Variants in RBFOX1 observed in about 807,000 individuals in gnomAD.
RBFOX1 encodes the protein RNA binding protein fox-1 homolog 1.
A neutral mutation model predicts 57.7 loss-of-function variants in RBFOX1; 8 were observed. The ratio of observed to expected loss-of-function variants is 0.14; its 90% CI spans 0.08 to 0.25. The LOEUF (loss-of-function observed/expected upper bound fraction) is 0.25, where lower values mean the gene tolerates loss of function less well. Among genes scored for constraint, RBFOX1 ranks in the 10% least tolerant of loss-of-function variants. RBFOX1 has a pLI of 1.00. For missense variants in RBFOX1, 611 were observed against 548.5 expected, an observed-to-expected ratio of 1.11 and a Z score of -1.14; for synonymous variants, 326 against 222.4, an observed-to-expected ratio of 1.47 and a Z score of -4.15.
intron 2 of RBFOX1, among the ~76,000 whole-genome samples, chr16:6,624,715 G>A (rs879517754): frequency 6.6e-6 from 1 of 152,074 alleles, no homozygotes; most frequent in Non-Finnish European, 1.5e-5. Flanking sequence ...GTAAAACAAA[G>A]AAAGAAGAAG....
intron 3 of RBFOX1, among the ~76,000 whole-genome samples, chr16:5,659,444 C>G (rs574671887): frequency 6.6e-6 from 1 of 151,974 alleles, no homozygotes; most frequent in South Asian, 2.1e-4. Flanking sequence ...GCTGGGACTA[C>G]AGGTGCCCGC....
chr16:5,806,746 C>T (rs755211500), intron 3 of RBFOX1, among the ~76,000 whole-genome samples: 2 of 152,204 alleles, frequency 1.3e-5, no homozygotes, highest in Non-Finnish European at 2.9e-5. Context: ...CTGGTAATGC[C>T]CCGGGATAAG....
rs371630236 is a variant in RBFOX1, at chr16:5,876,134, C to T, written c.351+8799C>T. Reference sequence around the variant, plus strand: ...CTGGGATTACAGGTGTGAACCACCGCGCCCGGCCTATCCCACAATTTTTAC... The same window carrying T: ...CTGGGATTACAGGTGTGAACCACCGTGCCCGGCCTATCCCACAATTTTTAC... On this transcript the variant is annotated intron_variant, in intron 4 of 19. Transcript: ENST00000641259. 2.3e-4 allele frequency among the ~76,000 whole-genome samples: 35 copies of T among 152,202 alleles called. No homozygotes were observed. In the East Asian group the frequency reaches 2.9e-3, roughly 13 times the overall value.
intron 2 of RBFOX1, among the ~76,000 whole-genome samples, chr16:6,632,637 C>A (rs925506675): frequency 6.6e-6 from 1 of 152,152 alleles, no homozygotes; most frequent in Non-Finnish European, 1.5e-5. Context: ...TTTGCTTGAG[C>A]TATTCCACTC....
intron 3 of RBFOX1, among the ~76,000 whole-genome samples, chr16:6,799,220 G>C (rs1214126087): frequency 6.6e-6 from 1 of 152,128 alleles, no homozygotes; most frequent in African/African-American, 2.4e-5. Context: ...GGGAAACCGT[G>C]CACAGCAATA....
In RBFOX1 at chr16:7,054,594, T is replaced by A. The variant is rs374495290; in HGVS notation, c.27+2496T>A. On this transcript the variant is annotated intron_variant, in intron 4 of 15. Coordinates refer to ENST00000550418, the MANE Select transcript of RBFOX1 (RefSeq NM_018723.4). The stretch of plus-strand genomic sequence containing the variant: ...CTGAAAGGAATTTAGAACTGGAAGG[T>A]AAATACCTGTCCATCTCAATGAAAT... Among the ~76,000 whole-genome samples the A allele has an allele frequency of 6.7e-5, 10 of 148,650 alleles. No individual in the cohort carries two copies. The East Asian group carries it at 1.2e-3, about 18-fold the overall frequency.
intron 4 of RBFOX1, among the ~76,000 whole-genome samples, chr16:7,460,403 G>A (rs1193453120): frequency 4.3e-4 from 23 of 54,010 alleles, no homozygotes; most frequent in South Asian, 7.2e-4. Context: ...GTGTGTGTGT[G>A]TGTGTGTGTG....
intron 1 of RBFOX1, among the ~76,000 whole-genome samples, chr16:6,306,638 T>C (rs191211009): frequency 2.4e-4 from 37 of 152,320 alleles, no homozygotes; most frequent in African/African-American, 7.5e-4. Context: ...TCAGAAGAAC[T>C]CACTGGCCGT....
chr16:7,451,338 A>G (rs1016231514), intron 4 of RBFOX1, among the ~76,000 whole-genome samples: 26 of 152,346 alleles, frequency 1.7e-4, no homozygotes, highest in African/African-American at 6.3e-4. Flanking sequence ...GAATGCAAAT[A>G]GTAATTTATT....
intron 2 of RBFOX1, among the ~76,000 whole-genome samples, chr16:6,400,872 G>C (rs887144471): frequency 6.6e-6 from 1 of 152,170 alleles, no homozygotes; most frequent in African/African-American, 2.4e-5. Context: ...TCCAGTGAAA[G>C]AGCAAGACTC....
intron 3 of RBFOX1, among the ~76,000 whole-genome samples, chr16:6,925,742 C>G (rs528916184): frequency 2.0e-5 from 3 of 151,898 alleles, no homozygotes; most frequent in South Asian, 4.2e-4. Context: ...CACCCAAACA[C>G]AGACAAGCAA....
intron 4 of RBFOX1, among the ~76,000 whole-genome samples, chr16:7,210,940 AATAG>A (rs1200137203): frequency 6.6e-6 from 1 of 152,094 alleles, no homozygotes; most frequent in Non-Finnish European, 1.5e-5. Flanking sequence ...AGAATATAAA[AATAG>A]AAAGGAGGGA....
At chr16:5,619,615 G>C (rs2048144110) in intron 3 of RBFOX1, among the ~76,000 whole-genome samples, 1 of 152,316 alleles carries the variant, frequency 6.6e-6, no homozygotes, top group African/African-American at 2.4e-5. Flanking sequence ...TGGGCAGGGA[G>C]AGTTGCTTTC....
intron 3 of RBFOX1, among the ~76,000 whole-genome samples, chr16:6,676,995 C>T (rs11077064): frequency 0.64 from 97,854 of 152,020 alleles, 34,098 homozygotes; most frequent in Non-Finnish European, 0.76. Context: ...ACTTTCTATG[C>T]ACAGATCCAA....
chr16:6,629,264 C>T (rs1371107263), intron 2 of RBFOX1, among the ~76,000 whole-genome samples: 1 of 152,164 alleles, frequency 6.6e-6, no homozygotes, highest in Non-Finnish European at 1.5e-5. Flanking sequence ...ATCCCATTAG[C>T]ATTGTCTTCA....
At position 5,437,128 on chromosome 16, in the gene RBFOX1, G is replaced by A. The variant is rs1434586411; in HGVS notation, c.220-30088G>A. On this transcript the variant is annotated intron_variant, in intron 1 of 2. Transcript: ENST00000585867. ...ACATTGTGAACTTTTATAAATTGTA[G>A]TAAGAAAATGCATTGACTTGGAATT... 2.0e-5 allele frequency among the ~76,000 whole-genome samples: 3 copies of A among 152,100 alleles called. No individual in the cohort carries two copies. In the East Asian group the frequency reaches 5.8e-4, roughly 29 times the overall value.
intron 6 of RBFOX1, among the ~76,000 whole-genome samples, chr16:7,585,032 G>T (rs977780964): frequency 6.6e-6 from 1 of 152,242 alleles, no homozygotes; most frequent in African/African-American, 2.4e-5. Flanking sequence ...ACTGCCTAGA[G>T]AATGTTCCAT....
chr16:7,159,147 T>A (rs1265024148), intron 4 of RBFOX1, among the ~76,000 whole-genome samples: 1 of 152,204 alleles, frequency 6.6e-6, no homozygotes, highest in Non-Finnish European at 1.5e-5. Flanking sequence ...CTTCTTTTTC[T>A]CTGCATACTG....
intron 1 of RBFOX1, among the ~76,000 whole-genome samples, chr16:5,457,475 G>C (rs1017400698): frequency 1.3e-5 from 2 of 152,248 alleles, no homozygotes; most frequent in Non-Finnish European, 1.5e-5. Flanking sequence ...CCATTCATTA[G>C]AGTTCCACTT....
Sources: gnomAD v4.1 joint callset for allele counts (sites outside exome capture counted in the v4.1 genomes callset) on GRCh38, gnomAD v4.1.1 for gene constraint, MANE v1.5 for transcripts, NCBI Gene and HGNC (gene_info 2026-07-23, HGNC 2026-07-21) for gene names.